The following ALKBH1 variants were observed in gnomAD, a reference collection of about 807,000 sequenced individuals.
ALKBH1 encodes nucleic acid dioxygenase ALKBH1.
ALKBH1 carries 31 observed loss-of-function variants against 36.6 expected under a neutral mutation model. The observed-to-expected ratio is 0.85, with a 90% CI of 0.64 to 1.14. The LOEUF (loss-of-function observed/expected upper bound fraction) is 1.14, where lower values mean the gene tolerates loss of function less well. Among genes scored for constraint, ALKBH1 ranks in the 50% most tolerant of loss-of-function variants. The pLI is 0.00. For missense variants in ALKBH1, 490 were observed against 497.3 expected (o/e 0.99, Z 0.14); for synonymous variants, 183 against 186.6 (o/e 0.98, Z 0.16).
intron 4 of ALKBH1, among the ~76,000 whole-genome samples, chr14:77,678,535 A>G (rs1410991913): frequency 7.9e-6 from 1 of 126,600 alleles, no homozygotes. Flanking sequence ...GTGACAGTGT[A>G]AGACCATTAC....
chr14:77,679,856 A>C lies in ALKBH1; in HGVS notation c.546+24T>G, dbSNP rs754481253. The stretch of plus-strand genomic sequence containing the variant: ...TAAAGAAGCCTATAAACAGAAAACA[A>C]AAGAATTAAGAAAACCTGAATACCT... On this transcript the variant is annotated intron_variant, in intron 4 of 5. Coordinates refer to ENST00000216489, the MANE Select transcript of ALKBH1 (RefSeq NM_006020.3). 2.5e-6 allele frequency: 4 copies of C among 1,590,712 alleles called. No homozygotes were observed. In the East Asian group the frequency reaches 8.9e-5, roughly 36 times the overall value.
chr14:77,698,414 G>C (rs991045846), intron 2 of ALKBH1, among the ~76,000 whole-genome samples: 1 of 152,186 alleles, frequency 6.6e-6, no homozygotes, highest in Admixed American at 6.5e-5. Flanking sequence ...GGCATTGAAG[G>C]CTCAAAGGGT....
At position 77,704,396 on chromosome 14, in the gene ALKBH1, G is replaced by C. The variant is rs1394268735; in HGVS notation, c.265C>G (p.Gln89Glu). Residue 89 changes from glutamine to glutamate, a missense_variant, in exon 2 of 6, where the codon CAA (glutamine) becomes GAA (glutamate). Transcript: ENST00000216489. ...RAGLQPVSKW[Q>E]AYGLKGYPGF... ...GGATAGCCTTTGAGTCCATAGGCTT[G>C]CCACTTGCTGACGGGCTGAAGACCT... The C allele has an allele frequency of 6.2e-7, 1 of 1,614,060 alleles. No homozygotes were observed. Among genetic ancestry groups the C allele is most frequent in the Non-Finnish European group, 8.5e-7 (1 of 1,179,916 alleles).
chr14:77,705,887 T>G (rs2080386828), intron 1 of ALKBH1, among the ~76,000 whole-genome samples: 2 of 151,866 alleles, frequency 1.3e-5, no homozygotes, highest in African/African-American at 4.8e-5. Flanking sequence ...AAACCCCGTC[T>G]CTACTAAAAA....
intron 2 of ALKBH1, among the ~76,000 whole-genome samples, chr14:77,702,594 C>T (rs2080365392): frequency 6.6e-6 from 1 of 152,054 alleles, no homozygotes; most frequent in Admixed American, 6.6e-5. Flanking sequence ...TTTACAATGG[C>T]CCCAGGAGCC....
chr14:77,673,733 G>A lies in ALKBH1; in HGVS notation c.*79C>T. ...TCTGTTTTTGGCTTGTCTGGGTGCT[G>A]AAGTCCACGGCAATACACAATAACA... On this transcript the variant is annotated 3_prime_UTR_variant, in exon 6 of 6. Transcript: ENST00000216489. 7.0e-7 allele frequency: 1 copy of A among 1,433,724 alleles called. No individual in the cohort carries two copies. Among genetic ancestry groups the A allele is most frequent in the Non-Finnish European group, 9.5e-7 (1 of 1,052,072 alleles). The allele number at this position is 1,433,724 out of a possible 1,614,324, so 88.8% of individuals were successfully genotyped here.
intron 1 of ALKBH1, among the ~76,000 whole-genome samples, chr14:77,704,891 A>T (rs2080379919): frequency 6.6e-6 from 1 of 152,244 alleles, no homozygotes; most frequent in Non-Finnish European, 1.5e-5. Context: ...TGGTAATAAG[A>T]AAACTTAAGC....
chr14:77,704,124 T>C (rs958678093), intron 2 of ALKBH1, among the ~76,000 whole-genome samples: 3 of 152,230 alleles, frequency 2.0e-5, no homozygotes, highest in Non-Finnish European at 2.9e-5. Context: ...GGCAATGTCC[T>C]TATTTTTTCA....
chr14:77,685,945 T>C (rs1266725007), intron 3 of ALKBH1, among the ~76,000 whole-genome samples: 1 of 152,206 alleles, frequency 6.6e-6, no homozygotes, highest in African/African-American at 2.4e-5. Context: ...ATGACATATA[T>C]ATTTTTGTAA....
At chr14:77,697,100 C>A in intron 2 of ALKBH1, 1 of 192,338 alleles carries the variant, frequency 5.2e-6, no homozygotes, top group East Asian at 1.2e-4. Context: ...AGCAGCTTCC[C>A]ATGGACCCCA....
rs1475359823 is a variant in ALKBH1 at position 77,705,408 on chromosome 14, T to TGAGAAAAAAAAAAA, written c.184-932_184-931insTTTTTTTTTTTCTC. ...CCTAGGAACAGAGCAAGACTCCGTC[T>TGAGAAAAAAAAAAA]AAGAAAAAAAAAAAAAAAAAAAAAG... is the stretch of plus-strand genomic sequence containing the variant. On this transcript the variant is annotated intron_variant, in intron 1 of 5. Coordinates refer to ENST00000216489, the MANE Select transcript of ALKBH1 (RefSeq NM_006020.3). Among the ~76,000 whole-genome samples, 2 of 57,490 alleles carry TGAGAAAAAAAAAAA rather than the reference T, an allele frequency of 3.5e-5. 1 individual carries two copies. The allele number at this position is 57,490 out of a possible 152,430, so 37.7% of individuals were successfully genotyped here.
chr14:77,678,087 C>CAAAAAAAAAAAAAAAAAAAA (rs11440428), intron 4 of ALKBH1, among the ~76,000 whole-genome samples: 2 of 55,080 alleles, frequency 3.6e-5, no homozygotes, highest in Non-Finnish European at 6.3e-5. Flanking sequence ...ATATTATCAC[C>CAAAAAAAAAAAAAAAAAAAA]AAAAAAAAAA....
intron 2 of ALKBH1, among the ~76,000 whole-genome samples, chr14:77,699,796 C>T (rs2139863547): frequency 6.6e-6 from 1 of 152,300 alleles, no homozygotes; most frequent in East Asian, 1.9e-4. Flanking sequence ...TGGCTCATGC[C>T]TGTAATCCCA....
At chr14:77,686,271 C>T (rs2080267844) in intron 3 of ALKBH1, among the ~76,000 whole-genome samples, 1 of 152,188 alleles carries the variant, frequency 6.6e-6, no homozygotes, top group African/African-American at 2.4e-5. Flanking sequence ...CTGAGAGAAT[C>T]ACTGAAGGGG....
intron 1 of ALKBH1, 44 bp downstream of exon 1, chr14:77,707,778 G>A: frequency 1.3e-6 from 2 of 1,544,216 alleles, no homozygotes; most frequent in South Asian, 1.2e-5. Context: ...TCCAAGACGC[G>A]GGGCAAAGCG....
At chr14:77,700,086 T>C (rs1220223248) in intron 2 of ALKBH1, among the ~76,000 whole-genome samples, 1 of 151,808 alleles carries the variant, frequency 6.6e-6, no homozygotes, top group Non-Finnish European at 1.5e-5. Context: ...AATAAATAAA[T>C]AAATACTAGG....
intron 4 of ALKBH1, among the ~76,000 whole-genome samples, chr14:77,676,229 T>C (rs1188354170): frequency 6.6e-6 from 1 of 151,922 alleles, no homozygotes; most frequent in Non-Finnish European, 1.5e-5. Context: ...ATGATCCTCC[T>C]GCCTCAGTCT....
chr14:77,683,166 T>C, intron 3 of ALKBH1: 2 of 500,968 alleles, frequency 4.0e-6, no homozygotes, highest in Non-Finnish European at 7.2e-6. Flanking sequence ...TTTTTTTTTT[T>C]TTTTTACAAA....
chr14:77,681,884 A>T (rs1384680565), intron 3 of ALKBH1, among the ~76,000 whole-genome samples: 2 of 152,228 alleles, frequency 1.3e-5, no homozygotes, highest in African/African-American at 4.8e-5. Flanking sequence ...ACCCATTGCC[A>T]TATCCGGTGT....
Sources: gnomAD v4.1 joint callset for allele counts (sites outside exome capture counted in the v4.1 genomes callset) on GRCh38, gnomAD v4.1.1 for gene constraint, MANE v1.5 for transcripts, NCBI Gene and HGNC (gene_info 2026-07-23, HGNC 2026-07-21) for gene names.